Variants in DLGAP2 observed in about 807,000 individuals in gnomAD.
The protein encoded by DLGAP2 is DLG associated protein 2.
A neutral mutation model predicts 100.3 loss-of-function variants in DLGAP2; 26 were observed. The ratio of observed to expected loss-of-function variants is 0.26; its 90% CI spans 0.19 to 0.36. The LOEUF (loss-of-function observed/expected upper bound fraction) is 0.36. Among genes scored for constraint, DLGAP2 ranks in the 10% least tolerant of loss-of-function variants. DLGAP2 has a pLI of 1.00. For synonymous variants in DLGAP2, 886 were observed against 630.1 expected (o/e 1.41, Z -6.08); for missense variants, 1,858 against 1,453.2 (o/e 1.28, Z -4.53).
rs1327097102 is a variant in DLGAP2, at chr8:1,627,490, A to T, written c.1590+603A>T. On this transcript the variant is annotated intron_variant, in intron 7 of 14. Coordinates refer to ENST00000637795, the MANE Select transcript of DLGAP2 (RefSeq NM_001346810.2). ...CCACCTGTGGTGGACGGGCCTGAGA[A>T]CGCACAGTGAAAAAATCGGCAAGTG... Among the ~76,000 whole-genome samples, 6 of 152,248 alleles carry T rather than the reference A, an allele frequency of 3.9e-5. No individual in the cohort carries two copies. The South Asian group carries it at 8.3e-4, about 21-fold the overall frequency.
chr8:968,816 C>A (rs1416602262), intron 2 of DLGAP2, among the ~76,000 whole-genome samples: 1 of 152,128 alleles, frequency 6.6e-6, no homozygotes, highest in Admixed American at 6.5e-5. Flanking sequence ...TATAATGAGT[C>A]GCAGTGGATC....
intron 1 of DLGAP2, among the ~76,000 whole-genome samples, chr8:778,770 T>C (rs1367931895): frequency 6.6e-6 from 1 of 152,254 alleles, no homozygotes; most frequent in Non-Finnish European, 1.5e-5. Context: ...CATTTAAGTC[T>C]GCAGAGGTTA....
intron 3 of DLGAP2, among the ~76,000 whole-genome samples, chr8:1,272,949 G>A (rs948965222): frequency 5.9e-5 from 9 of 152,212 alleles, no homozygotes; most frequent in Admixed American, 1.3e-4. Flanking sequence ...TCTGTGCCGT[G>A]GGTTATGGAA....
chr8:1,501,102 T>C (rs2286217), intron 3 of DLGAP2, among the ~76,000 whole-genome samples: 18,813 of 151,910 alleles, frequency 0.12, 3,106 homozygotes, highest in African/African-American at 0.38. Flanking sequence ...AAGCTGAGAA[T>C]CATTGGGACT....
At chr8:1,627,722 G>T (rs1294173608) in intron 7 of DLGAP2, among the ~76,000 whole-genome samples, 1 of 152,112 alleles carries the variant, frequency 6.6e-6, no homozygotes, top group African/African-American at 2.4e-5. Context: ...GACTTACTGT[G>T]GAGTAGGGAT....
intron 4 of DLGAP2, among the ~76,000 whole-genome samples, chr8:1,507,151 C>T (rs777787795): frequency 2.6e-5 from 4 of 152,218 alleles, no homozygotes; most frequent in Non-Finnish European, 4.4e-5. Flanking sequence ...GCCTGCCAGG[C>T]GCCTGCACTC....
At chr8:1,271,895 A>G (rs115648717) in intron 3 of DLGAP2, among the ~76,000 whole-genome samples, 1 of 152,140 alleles carries the variant, frequency 6.6e-6, no homozygotes, top group Non-Finnish European at 1.5e-5. Context: ...GCTCACTGCA[A>G]CCTCCACCGG....
At chr8:1,477,613 G>A (rs907253289) in intron 3 of DLGAP2, among the ~76,000 whole-genome samples, 6 of 152,312 alleles carry the variant, frequency 3.9e-5, no homozygotes, top group African/African-American at 1.4e-4. Flanking sequence ...TCACCTGTCT[G>A]TGGCCATGAT....
intron 5 of DLGAP2, among the ~76,000 whole-genome samples, chr8:1,563,513 G>A (rs530632244): frequency 1.4e-5 from 2 of 140,206 alleles, no homozygotes; most frequent in Non-Finnish European, 3.1e-5. Context: ...TGGGGTGTCC[G>A]TGCCTCGTTA....
At chr8:1,055,707 C>A (rs903900079) in intron 2 of DLGAP2, among the ~76,000 whole-genome samples, 2 of 152,214 alleles carry the variant, frequency 1.3e-5, no homozygotes, top group African/African-American at 4.8e-5. Flanking sequence ...AGAGCTGCAT[C>A]CCCTGCCATA....
chr8:1,341,051 A>G (rs957296570), intron 3 of DLGAP2, among the ~76,000 whole-genome samples: 2 of 152,112 alleles, frequency 1.3e-5, no homozygotes, highest in African/African-American at 2.4e-5. Flanking sequence ...ACGGACACAT[A>G]GAGGGGAACA....
At chr8:960,235 A>ATATTTTTTTTTTTTTTTTTTTT (rs1209692955) in intron 2 of DLGAP2, among the ~76,000 whole-genome samples, 1 of 8,346 alleles carries the variant, frequency 1.2e-4, no homozygotes, top group Non-Finnish European at 2.3e-4. Flanking sequence ...CCTGAAGTAT[A>ATATTTTTTTTTTTTTTTTTTTT]TCTTTTTTTT....
rs369690063 is a variant in DLGAP2, at chr8:945,615, A to G, written c.73+37649A>G. Among the ~76,000 whole-genome samples, 9 of 152,262 alleles carry G rather than the reference A, an allele frequency of 5.9e-5. No homozygotes were observed. In the East Asian group the frequency reaches 1.4e-3, roughly 23 times the overall value. On this transcript the variant is annotated intron_variant, in intron 2 of 14. Coordinates refer to ENST00000637795, the MANE Select transcript of DLGAP2 (RefSeq NM_001346810.2). ...CCACCACTTAACGTGCATTTGTGTA[A>G]GAGTTTGTTCCCCCAAAAAGCCTAT...
intron 4 of DLGAP2, among the ~76,000 whole-genome samples, chr8:1,530,234 G>A (rs569285894): frequency 1.5e-3 from 222 of 152,204 alleles, no homozygotes; most frequent in Non-Finnish European, 2.2e-3. Flanking sequence ...CACCTGGGGG[G>A]GCTGTTTATA....
rs1190916530 is a variant in DLGAP2, at chr8:1,701,592, C to G, written c.*186C>G. 3.1e-6 allele frequency: 2 copies of G among 638,652 alleles called. No homozygotes were observed. The highest frequency in any genetic ancestry group is 5.3e-6 in the Non-Finnish European group (2 of 379,376). The allele number at this position is 638,652 out of a possible 1,614,324, so 39.6% of individuals were successfully genotyped here. A position where few individuals can be genotyped will look rare whatever the true frequency, so the allele number is the denominator to read the frequency against. Reference sequence around the variant, plus strand: ...GAGTCCACGGAGCTCGCGGCGAGGACGACTTCTGCTTTTGTTGTTGTTGTT... The same window carrying G: ...GAGTCCACGGAGCTCGCGGCGAGGAGGACTTCTGCTTTTGTTGTTGTTGTT... On this transcript the variant is annotated 3_prime_UTR_variant, in exon 15 of 15. Coordinates refer to ENST00000637795, the MANE Select transcript of DLGAP2 (RefSeq NM_001346810.2).
chr8:1,017,569 CCAGGACAGACGACGCCTCCACT>C (rs1801497475), intron 2 of DLGAP2, among the ~76,000 whole-genome samples: 1 of 139,874 alleles, frequency 7.1e-6, no homozygotes, highest in African/African-American at 2.9e-5. Context: ...GTGTGTGTGA[CCAGGACAGACGACGCCTCCACT>C]GTGTGTGACC....
At chr8:1,264,473 C>G (rs1158001991) in intron 3 of DLGAP2, among the ~76,000 whole-genome samples, 1 of 152,118 alleles carries the variant, frequency 6.6e-6, no homozygotes, top group Non-Finnish European at 1.5e-5. Flanking sequence ...ATAAAGTTAC[C>G]AATGAGAAAT....
chr8:1,052,669 G>C (rs1290416190), intron 2 of DLGAP2, among the ~76,000 whole-genome samples: 1 of 152,138 alleles, frequency 6.6e-6, no homozygotes, highest in Non-Finnish European at 1.5e-5. Flanking sequence ...GGCCTAGTAG[G>C]GGGGCAGTTT....
chr8:934,809 TGAA>T (rs543958656), intron 2 of DLGAP2, among the ~76,000 whole-genome samples: 9 of 152,250 alleles, frequency 5.9e-5, no homozygotes, highest in South Asian at 4.1e-4. Context: ...CTATTCTGTC[TGAA>T]GAAGAACAGA....
Sources: allele counts gnomAD v4.1 joint callset (sites outside exome capture counted in the v4.1 genomes callset), GRCh38; gene constraint gnomAD v4.1.1; transcripts MANE v1.5; gene names NCBI Gene and HGNC (gene_info 2026-07-23, HGNC 2026-07-21).